Variants in WDR41 observed in about 807,000 individuals in gnomAD.
The protein encoded by WDR41 is WD repeat domain 41.
Under a neutral mutation model 69.3 loss-of-function variants are expected in WDR41, and 63 were observed. The ratio of observed to expected loss-of-function variants is 0.91; its 90% CI spans 0.74 to 1.12. The LOEUF (loss-of-function observed/expected upper bound fraction) is 1.12, where lower values mean the gene tolerates loss of function less well. WDR41 is among the 50% of genes most tolerant of loss of function. The probability of loss-of-function intolerance (pLI) is 0.00; values close to 1 mark genes in which losing one functional copy is unlikely to be tolerated. For missense variants in WDR41, 543 were observed against 534.5 expected, an observed-to-expected ratio of 1.02 and a Z score of -0.16; for synonymous variants, 185 against 192.1, an observed-to-expected ratio of 0.96 and a Z score of 0.31.
intron 1 of WDR41, among the ~76,000 whole-genome samples, chr5:77,540,282 A>G (rs1182651280): frequency 2.0e-5 from 3 of 152,170 alleles, no homozygotes; most frequent in Admixed American, 1.3e-4. Context: ...ATGAACCCCA[A>G]CTGGTCTTGT....
intron 9 of WDR41, among the ~76,000 whole-genome samples, chr5:77,439,121 T>G (rs1799058635): frequency 6.6e-6 from 1 of 152,190 alleles, no homozygotes; most frequent in Non-Finnish European, 1.5e-5. Flanking sequence ...TGCTCATTCC[T>G]CACGTGACTC....
chr5:77,605,632 G>A (rs535035061), intron 1 of WDR41, among the ~76,000 whole-genome samples: 1 of 152,296 alleles, frequency 6.6e-6, no homozygotes, highest in African/African-American at 2.4e-5. Context: ...AGATAGGACT[G>A]GTTGATGGAG....
intron 1 of WDR41, among the ~76,000 whole-genome samples, chr5:77,498,567 C>G (rs1445846331): frequency 1.3e-5 from 2 of 151,762 alleles, no homozygotes; most frequent in African/African-American, 4.8e-5. Context: ...GCCTATAATC[C>G]CAGCGCTTTG....
Position 77,516,260 on chromosome 5 carries a change from A to G in WDR41, c.43-26688T>C, listed in dbSNP as rs376712985. 1.2e-3 allele frequency among the ~76,000 whole-genome samples: 176 copies of G among 152,198 alleles called. 1 individual carries two copies. The highest frequency in any genetic ancestry group is 4.0e-3 in the African/African-American group (167 of 41,550). ...GCTGGATATTTTTCTTATGTTTATT[A>G]TTTGCATTTCTATAAACTGTGTATA... is the stretch of plus-strand genomic sequence containing the variant. On this transcript the variant is annotated intron_variant, in intron 1 of 5. Coordinates refer to the WDR41 transcript ENST00000509971.
chr5:77,540,036 A>T (rs1743058894), intron 1 of WDR41, among the ~76,000 whole-genome samples: 1 of 152,192 alleles, frequency 6.6e-6, no homozygotes, highest in South Asian at 2.1e-4. Flanking sequence ...AACATAAGCA[A>T]TCTTTAAGAA....
intron 2 of WDR41, among the ~76,000 whole-genome samples, chr5:77,483,054 C>T (rs375261628): frequency 1.3e-5 from 2 of 152,250 alleles, no homozygotes; most frequent in African/African-American, 4.8e-5. Context: ...TCACAATTTG[C>T]CACCCCAAGA....
intron 1 of WDR41, among the ~76,000 whole-genome samples, chr5:77,580,875 G>A (rs1447043474): frequency 1.3e-5 from 2 of 151,976 alleles, no homozygotes; most frequent in Non-Finnish European, 2.9e-5. Flanking sequence ...AGAATGGCCT[G>A]AACTTGGGAG....
intron 1 of WDR41, chr5:77,491,227 C>G (rs1801767727): frequency 2.6e-6 from 1 of 389,760 alleles, no homozygotes; most frequent in Admixed American, 2.7e-5. Flanking sequence ...CATCCTGGCT[C>G]AAAAAGCTCC....
At position 77,527,591 on chromosome 5, in the gene WDR41, A is replaced by G. The variant is rs1399803301; in HGVS notation, c.43-38019T>C. On this transcript the variant is annotated intron_variant, in intron 1 of 5. Transcript: ENST00000509971. ...ACTATACAATTTAAACAGAAGAAGA[A>G]GAAACTTGACCTGATTGATATAAAT... is the stretch of plus-strand genomic sequence containing the variant. Among the ~76,000 whole-genome samples, 3 of 151,898 alleles carry G rather than the reference A, an allele frequency of 2.0e-5. No homozygotes were observed. The East Asian group carries it at 5.8e-4, about 29-fold the overall frequency.
At chr5:77,480,654 T>G (rs1329090336) in intron 2 of WDR41, among the ~76,000 whole-genome samples, 2 of 131,450 alleles carry the variant, frequency 1.5e-5, no homozygotes, top group African/African-American at 5.7e-5. Flanking sequence ...AAGGGGAACA[T>G]CACACTCTGG....
intron 1 of WDR41, among the ~76,000 whole-genome samples, chr5:77,524,532 C>T (rs567615083): frequency 3.9e-5 from 6 of 152,248 alleles, no homozygotes; most frequent in African/African-American, 1.4e-4. Context: ...TTTGAGGCTG[C>T]AGTGAGCTAT....
At chr5:77,545,526 C>T (rs1024746178) in intron 1 of WDR41, 13 of 242,684 alleles carry the variant, frequency 5.4e-5, no homozygotes, top group Non-Finnish European at 9.6e-5. Context: ...ACGGAGCTTG[C>T]GGAGGCAAGT....
At chr5:77,476,812 CA>C (rs1205625372) in intron 2 of WDR41, among the ~76,000 whole-genome samples, 1 of 146,824 alleles carries the variant, frequency 6.8e-6, no homozygotes. Flanking sequence ...GGATCAAATT[CA>C]CACATAACAA....
upstream of WDR41, among the ~76,000 whole-genome samples, chr5:77,495,176 AAAG>A (rs1477592311): frequency 6.6e-6 from 1 of 152,140 alleles, no homozygotes; most frequent in Non-Finnish European, 1.5e-5. Context: ...CTACATTAAA[AAAG>A]AAGATCTAAA....
At chr5:77,470,423 T>C (rs1020135416) in intron 2 of WDR41, among the ~76,000 whole-genome samples, 4 of 152,066 alleles carry the variant, frequency 2.6e-5, no homozygotes, top group Non-Finnish European at 4.4e-5. Context: ...AATTCACACA[T>C]AACAATATTA....
intron 1 of WDR41, among the ~76,000 whole-genome samples, chr5:77,556,355 T>C (rs1743394693): frequency 6.6e-6 from 1 of 152,092 alleles, no homozygotes; most frequent in South Asian, 2.1e-4. Flanking sequence ...TCCACCCACC[T>C]TGGCCTCCCA....
At chr5:77,607,975 T>C (rs3857401) in intron 1 of WDR41, among the ~76,000 whole-genome samples, 22,019 of 152,132 alleles carry the variant, frequency 0.14, 1,588 homozygotes, top group East Asian at 0.2. Context: ...TAAAATAAAA[T>C]TTACCACCTT....
At chr5:77,519,315 C>T (rs1392413770) in intron 1 of WDR41, among the ~76,000 whole-genome samples, 2 of 151,890 alleles carry the variant, frequency 1.3e-5, no homozygotes, top group African/African-American at 2.4e-5. Context: ...TCAAACTATA[C>T]TTGAGCAGTA....
Position 77,611,149 on chromosome 5 carries a change from C to A in WDR41, c.42+9330G>T, listed in dbSNP as rs557556323. ...CACCCAATACAGGAGCACCCAGATT[C>A]ATAAAGCAAGTCCTGAGTGACCTAC... On this transcript the variant is annotated intron_variant, in intron 1 of 5. Transcript: ENST00000509971. Among the ~76,000 whole-genome samples, 780 of 151,766 alleles carry A rather than the reference C, an allele frequency of 5.1e-3. 5 individuals are homozygous for A. The highest frequency in any genetic ancestry group is 6.4e-3 in the African/African-American group (264 of 41,496).
Sources: gnomAD v4.1 joint callset for allele counts (sites outside exome capture counted in the v4.1 genomes callset) on GRCh38, gnomAD v4.1.1 for gene constraint, MANE v1.5 for transcripts, NCBI Gene and HGNC (gene_info 2026-07-23, HGNC 2026-07-21) for gene names.